Variants in NUCB2 observed in about 807,000 individuals in gnomAD.
The protein encoded by NUCB2 is nucleobindin-2.
A neutral mutation model predicts 57.9 loss-of-function variants in NUCB2; 48 were observed. The observed-to-expected ratio is 0.83, with a 90% CI of 0.66 to 1.05. The LOEUF (loss-of-function observed/expected upper bound fraction) is 1.05. NUCB2 is among the 50% of genes least tolerant of loss of function. The pLI is 0.00. For synonymous variants in NUCB2, 139 were observed against 152.1 expected (o/e 0.91, Z 0.64); for missense variants, 442 against 476.2 (o/e 0.93, Z 0.67).
intron 2 of NUCB2, among the ~76,000 whole-genome samples, chr11:17,345,714 A>G (rs906393896): frequency 6.6e-6 from 1 of 152,222 alleles, no homozygotes; most frequent in Non-Finnish European, 1.5e-5. Flanking sequence ...CTCAAAAAAA[A>G]GAAAAGTAAC....
intron 10 of NUCB2, among the ~76,000 whole-genome samples, chr11:17,313,581 A>C (rs1171671052): frequency 2.6e-5 from 4 of 152,002 alleles, no homozygotes; most frequent in South Asian, 4.2e-4. Context: ...CAAAAACAAC[A>C]ACCTCTGGTT....
intron 2 of NUCB2, among the ~76,000 whole-genome samples, chr11:17,342,960 A>G (rs1412712357): frequency 6.6e-6 from 1 of 152,072 alleles, no homozygotes; most frequent in African/African-American, 2.4e-5. Context: ...GTCTCTTTGT[A>G]GGTCTCTAAG....
intron 1 of NUCB2, 109 bp from the exon 2 acceptor site, chr11:17,282,680 A>G (rs778161773): frequency 3.9e-5 from 6 of 152,164 alleles, no homozygotes; most frequent in Admixed American, 2.6e-4. Flanking sequence ...CACTTTTCAC[A>G]TTATGTGACA....
chr11:17,284,106 C>T (rs1035996868), intron 2 of NUCB2, among the ~76,000 whole-genome samples: 9 of 152,052 alleles, frequency 5.9e-5, no homozygotes, highest in Admixed American at 5.2e-4. Context: ...CAACCTCTGC[C>T]TCCTATGTTC....
At chr11:17,280,235 T>A (rs1383116811) in intron 1 of NUCB2, among the ~76,000 whole-genome samples, 2 of 152,218 alleles carry the variant, frequency 1.3e-5, no homozygotes, top group Non-Finnish European at 2.9e-5. Context: ...GATACTCCAA[T>A]CCGTTGTTAA....
intron 4 of NUCB2, among the ~76,000 whole-genome samples, chr11:17,296,887 G>T (rs554288498): frequency 6.6e-6 from 1 of 152,128 alleles, no homozygotes; most frequent in African/African-American, 2.4e-5. Context: ...AATAGGTGAG[G>T]TCCTGGTGTT....
At chr11:17,319,927 CCTCA>C (rs1203532627) in intron 11 of NUCB2, among the ~76,000 whole-genome samples, 1 of 152,086 alleles carries the variant, frequency 6.6e-6, no homozygotes, top group Non-Finnish European at 1.5e-5. Context: ...GTGTGTTGTT[CCTCA>C]CTATGTGTCC....
At chr11:17,283,995 T>G (rs1943175786) in intron 2 of NUCB2, among the ~76,000 whole-genome samples, 2 of 152,198 alleles carry the variant, frequency 1.3e-5, no homozygotes, top group South Asian at 4.1e-4. Context: ...TTGCTTAACT[T>G]ATTTAGCCAC....
chr11:17,313,716 G>A (rs1369643130), intron 10 of NUCB2, among the ~76,000 whole-genome samples: 3 of 152,018 alleles, frequency 2.0e-5, no homozygotes, highest in Non-Finnish European at 4.4e-5. Flanking sequence ...TTCTCGAAAT[G>A]CTTTCTTCAC....
chr11:17,296,181 G>T lies in NUCB2; in HGVS notation c.222G>T (p.Lys74Asn). ...AAACAGATAAACACTTCAGAGAAAA[G>T]CTCCAGAAAGCAGACATAGAGGAAA... ...VLETDKHFREKLQKADIEEIK... is the reference protein window; with the variant it reads ...VLETDKHFRENLQKADIEEIK... The change falls in exon 4 of 14, where the codon AAG (lysine) becomes AAT (asparagine). Residue 74 changes from lysine to asparagine, a missense_variant. Transcript: ENST00000529010. 6.2e-7 allele frequency: 1 copy of T among 1,609,170 alleles called. No homozygotes were observed.
intron 5 of NUCB2, among the ~76,000 whole-genome samples, chr11:17,305,776 C>T (rs796603783): frequency 6.3e-4 from 96 of 152,092 alleles, no homozygotes; most frequent in African/African-American, 2.1e-3. Context: ...AGTGTGCCAC[C>T]ATGCCTGGCT....
intron 10 of NUCB2, among the ~76,000 whole-genome samples, chr11:17,312,628 C>T (rs1210009889): frequency 2.6e-5 from 4 of 151,870 alleles, no homozygotes; most frequent in Admixed American, 2.6e-4. Context: ...GTCTTGAACT[C>T]CTGACCTCAG....
At chr11:17,316,121 G>A (rs574236757) in intron 11 of NUCB2, among the ~76,000 whole-genome samples, 4 of 151,980 alleles carry the variant, frequency 2.6e-5, no homozygotes, top group Non-Finnish European at 4.4e-5. Flanking sequence ...ACAGGTGCCC[G>A]CCACCACGCC....
chr11:17,286,075 C>G (rs1943702090), intron 2 of NUCB2, among the ~76,000 whole-genome samples: 1 of 152,096 alleles, frequency 6.6e-6, no homozygotes, highest in Non-Finnish European at 1.5e-5. Context: ...ACTCTGTCAC[C>G]CTGGCTAGAG....
At chr11:17,347,193 G>A (rs2139685735) in intron 2 of NUCB2, among the ~76,000 whole-genome samples, 1 of 152,294 alleles carries the variant, frequency 6.6e-6, no homozygotes, top group South Asian at 2.1e-4. Context: ...AGTGCGGTGG[G>A]AGCTTCCAGG....
chr11:17,285,569 A>G (rs999027194), intron 2 of NUCB2, among the ~76,000 whole-genome samples: 1 of 140,264 alleles, frequency 7.1e-6, no homozygotes, highest in Non-Finnish European at 1.5e-5. Flanking sequence ...AGAGCGAGAC[A>G]CTGTCTCAAA....
intron 2 of NUCB2, among the ~76,000 whole-genome samples, chr11:17,339,226 G>A (rs573050188): frequency 1.1e-3 from 161 of 151,786 alleles, no homozygotes; most frequent in Non-Finnish European, 2.0e-3. Context: ...GACCTCAGCC[G>A]ATCCACCTGC....
At chr11:17,297,258 A>C (rs1336581529) in intron 4 of NUCB2, among the ~76,000 whole-genome samples, 1 of 151,922 alleles carries the variant, frequency 6.6e-6, no homozygotes, top group Non-Finnish European at 1.5e-5. Context: ...TTTTTTCTAG[A>C]ATCAGAATAA....
chr11:17,281,505 G>C (rs1942561031), intron 1 of NUCB2, among the ~76,000 whole-genome samples: 1 of 152,172 alleles, frequency 6.6e-6, no homozygotes, highest in Admixed American at 6.5e-5. Flanking sequence ...AAGACAAGAA[G>C]GGCATTAATA....
Sources: gnomAD v4.1 joint callset for allele counts (sites outside exome capture counted in the v4.1 genomes callset) on GRCh38, gnomAD v4.1.1 for gene constraint, MANE v1.5 for transcripts, NCBI Gene and HGNC (gene_info 2026-07-23, HGNC 2026-07-21) for gene names.